The following HTR2C variants were observed in gnomAD, a reference collection of about 807,000 sequenced individuals.
The protein encoded by HTR2C is 5-hydroxytryptamine receptor 2C.
In HTR2C, 5 loss-of-function variants were observed where a neutral mutation model predicts 21.0. The ratio of observed to expected loss-of-function variants is 0.24; its 90% CI spans 0.12 to 0.50. The LOEUF (loss-of-function observed/expected upper bound fraction) is 0.50, where lower values mean the gene tolerates loss of function less well. Among genes scored for constraint, HTR2C ranks in the 20% least tolerant of loss-of-function variants. HTR2C has a pLI of 0.98. For synonymous variants in HTR2C, 150 were observed against 145.3 expected (o/e 1.03, Z -0.23); for missense variants, 271 against 371.2 (o/e 0.73, Z 2.22).
intron 5 of HTR2C, among the ~76,000 whole-genome samples, chrX:114,856,548 A>T (rs1342443866): frequency 9.5e-6 from 1 of 105,651 alleles, no homozygotes; most frequent in Non-Finnish European, 1.9e-5. Context: ...AGCTGGAGGC[A>T]TCACACTACC....
chrX:114,710,392 G>C (rs1238259077), intron 2 of HTR2C, among the ~76,000 whole-genome samples: 1 of 108,966 alleles, frequency 9.2e-6, no homozygotes, highest in Non-Finnish European at 1.9e-5. Context: ...AAAATTTATA[G>C]TTTCTTATAA....
At chrX:114,810,351 C>T (rs1386497782) in intron 4 of HTR2C, among the ~76,000 whole-genome samples, 3 of 111,437 alleles carry the variant, frequency 2.7e-5, no homozygotes, top group African/African-American at 9.8e-5. Context: ...CCAGGACTTG[C>T]CTCATAGCCT....
At chrX:114,712,712 G>A (rs1034542211) in intron 2 of HTR2C, among the ~76,000 whole-genome samples, 1 of 111,714 alleles carries the variant, frequency 9.0e-6, no homozygotes, top group African/African-American at 3.2e-5. Context: ...CTGTTGTTAA[G>A]TGGAAGGGAT....
intron 2 of HTR2C, among the ~76,000 whole-genome samples, chrX:114,698,726 G>A (rs1932364221): frequency 8.9e-6 from 1 of 111,797 alleles, no homozygotes; most frequent in African/African-American, 3.3e-5. Context: ...TCAAAATTGG[G>A]ATTAAGATAA....
At chrX:114,800,357 G>T (rs1374722473) in intron 4 of HTR2C, among the ~76,000 whole-genome samples, 2 of 111,114 alleles carry the variant, frequency 1.8e-5, no homozygotes, top group Non-Finnish European at 3.8e-5. Flanking sequence ...AATACATTTT[G>T]TGGGAATACT....
chrX:114,655,149 A>T (rs781896062), intron 2 of HTR2C, among the ~76,000 whole-genome samples: 2 of 111,002 alleles, frequency 1.8e-5, no homozygotes, highest in African/African-American at 6.5e-5. Flanking sequence ...CTTCCTGGAG[A>T]CTAAGAATCA....
At chrX:114,867,997 G>A (rs782009345) in intron 5 of HTR2C, among the ~76,000 whole-genome samples, 6 of 109,938 alleles carry the variant, frequency 5.5e-5, no homozygotes, top group African/African-American at 2.0e-4. Flanking sequence ...AGGTCTTTTT[G>A]GTTCCATCTA....
intron 1 of HTR2C, among the ~76,000 whole-genome samples, chrX:114,585,138 C>A (rs1406093093): frequency 9.1e-6 from 1 of 109,903 alleles, no homozygotes; most frequent in East Asian, 2.9e-4. Flanking sequence ...GGAGGGGGCG[C>A]AAGGTTTGGG....
chrX:114,814,126 T>C (rs1215810950), intron 4 of HTR2C, among the ~76,000 whole-genome samples: 1 of 109,592 alleles, frequency 9.1e-6, no homozygotes, highest in African/African-American at 3.3e-5. Flanking sequence ...ACAGATGTCA[T>C]TCTAGGCAAG....
At chrX:114,824,095 A>G (rs2070659044) in intron 4 of HTR2C, among the ~76,000 whole-genome samples, 1 of 112,127 alleles carries the variant, frequency 8.9e-6, no homozygotes, top group Non-Finnish European at 1.9e-5. Flanking sequence ...ATTGAGCAGA[A>G]ACAGTCTATT....
intron 4 of HTR2C, among the ~76,000 whole-genome samples, chrX:114,733,759 CAAAGA>C (rs1209914366): frequency 1.8e-5 from 2 of 110,773 alleles, no homozygotes; most frequent in Non-Finnish European, 3.8e-5. Context: ...CTTTGATACA[CAAAGA>C]AAAGAGGATG....
In HTR2C at chrX:114,721,908, T is replaced by C. The variant is rs868918844; in HGVS notation, c.-79-4950T>C. ...GTTTTGGTACCAGTACCATGCTGTT[T>C]TGGTTACTGTAGCCTTGTAGTATAG... On this transcript the variant is annotated intron_variant, in intron 2 of 5. Coordinates refer to ENST00000276198, the MANE Select transcript of HTR2C (RefSeq NM_000868.4). Among the ~76,000 whole-genome samples, 1,036 of 106,434 alleles carry C rather than the reference T, an allele frequency of 9.7e-3. 17 individuals carry two copies. Among genetic ancestry groups the C allele is most frequent in the African/African-American group, 0.034 (995 of 29,416 alleles). 92.4% of individuals were successfully genotyped at this position (106,434 alleles called of 115,157 possible).
chrX:114,878,707 C>A (rs2071157796), intron 5 of HTR2C, among the ~76,000 whole-genome samples: 1 of 110,756 alleles, frequency 9.0e-6, no homozygotes, highest in South Asian at 3.7e-4. Flanking sequence ...ATCCTTTTAA[C>A]TTTATTAATA....
At chrX:114,722,444 A>G (rs782003861) in intron 2 of HTR2C, among the ~76,000 whole-genome samples, 98 of 111,238 alleles carry the variant, frequency 8.8e-4, no homozygotes, top group African/African-American at 2.8e-3. Context: ...TAAATATACA[A>G]TCATGTCATC....
intron 4 of HTR2C, among the ~76,000 whole-genome samples, chrX:114,797,474 G>T (rs2070304272): frequency 9.0e-6 from 1 of 111,343 alleles, no homozygotes; most frequent in African/African-American, 3.3e-5. Context: ...TCACTGATTG[G>T]TCAACACTGT....
chrX:114,649,212 A>T (rs1296237899), intron 2 of HTR2C, among the ~76,000 whole-genome samples: 1 of 112,288 alleles, frequency 8.9e-6, no homozygotes, highest in Non-Finnish European at 1.9e-5. Flanking sequence ...GGAGGATTCT[A>T]TATTTTTATT....
chrX:114,821,288 G>A (rs2070630770), intron 4 of HTR2C, among the ~76,000 whole-genome samples: 1 of 111,071 alleles, frequency 9.0e-6, no homozygotes, highest in Admixed American at 9.6e-5. Flanking sequence ...AGCTGTAGAT[G>A]GTGTCTCTTT....
intron 5 of HTR2C, among the ~76,000 whole-genome samples, chrX:114,890,758 C>T (rs1220233097): frequency 8.9e-6 from 1 of 111,769 alleles, no homozygotes; most frequent in African/African-American, 3.2e-5. Context: ...CCTACTTCTG[C>T]TTTTTAAATA....
chrX:114,692,753 C>T (rs1461544534), intron 2 of HTR2C, among the ~76,000 whole-genome samples: 3 of 111,666 alleles, frequency 2.7e-5, no homozygotes, highest in African/African-American at 9.7e-5. Flanking sequence ...ATGCTGCCTA[C>T]AAGATAAATT....
Sources: gnomAD v4.1 joint callset for allele counts (sites outside exome capture counted in the v4.1 genomes callset) on GRCh38, gnomAD v4.1.1 for gene constraint, MANE v1.5 for transcripts, NCBI Gene and HGNC (gene_info 2026-07-23, HGNC 2026-07-21) for gene names.